WDR49: variants seen among roughly 807,000 people sequenced by gnomAD.
WDR49 encodes the protein WD repeat domain 49.
A neutral mutation model predicts 119.5 loss-of-function variants in WDR49; 107 were observed. The ratio of observed to expected loss-of-function variants is 0.90; its 90% confidence interval spans 0.77 to 1.05. The LOEUF (loss-of-function observed/expected upper bound fraction) is 1.05, where lower values mean the gene tolerates loss of function less well. Among genes scored for constraint, WDR49 ranks in the 50% least tolerant of loss-of-function variants. The pLI, the probability that WDR49 is intolerant of heterozygous loss-of-function variation, is 0.00. For missense variants in WDR49, 1,240 were observed against 1,220.5 expected, an observed-to-expected ratio of 1.02 and a Z score of -0.24; for synonymous variants, 425 against 418.8, an observed-to-expected ratio of 1.01 and a Z score of -0.18.
At chr3:167,574,489 A>G (rs1370286110) in intron 8 of WDR49, among the ~76,000 whole-genome samples, 2 of 152,244 alleles carry the variant, frequency 1.3e-5, no homozygotes, top group Non-Finnish European at 1.5e-5. Flanking sequence ...CTTTACATAC[A>G]TATCAATGCT....
intron 7 of WDR49, among the ~76,000 whole-genome samples, chr3:167,582,460 T>TGA (rs1714587311): frequency 6.6e-6 from 1 of 152,168 alleles, no homozygotes; most frequent in Admixed American, 6.5e-5. Context: ...CTTCTGCCGT[T>TGA]TATCTTTAAA....
intron 5 of WDR49, among the ~76,000 whole-genome samples, chr3:167,619,127 A>G (rs1716741197): frequency 6.6e-6 from 1 of 152,150 alleles, no homozygotes; most frequent in Non-Finnish European, 1.5e-5. Flanking sequence ...AAGGTTATGG[A>G]CTCAAATAAT....
intron 7 of WDR49, among the ~76,000 whole-genome samples, chr3:167,594,959 C>T (rs1431512769): frequency 6.6e-6 from 1 of 150,400 alleles, no homozygotes; most frequent in Non-Finnish European, 1.5e-5. Flanking sequence ...GATTGTATAT[C>T]TAGAAAACCC....
At chr3:167,626,537 T>A (rs2108326801) in intron 3 of WDR49, among the ~76,000 whole-genome samples, 1 of 152,174 alleles carries the variant, frequency 6.6e-6, no homozygotes, top group Non-Finnish European at 1.5e-5. Context: ...ATCCATTGAA[T>A]CTTGCCATGC....
intron 2 of WDR49, among the ~76,000 whole-genome samples, chr3:167,652,257 T>C (rs1316936146): frequency 1.3e-5 from 2 of 152,232 alleles, no homozygotes; most frequent in East Asian, 1.9e-4. Flanking sequence ...AATTTATCAA[T>C]ACAGGTGGAA....
intron 10 of WDR49, among the ~76,000 whole-genome samples, chr3:167,540,209 A>G (rs758987143): frequency 4.6e-5 from 7 of 152,196 alleles, no homozygotes; most frequent in Non-Finnish European, 1.0e-4. Flanking sequence ...CCATGTGACA[A>G]CTTCACTGTT....
intron 11 of WDR49, among the ~76,000 whole-genome samples, 174 bp downstream of exon 11, chr3:167,536,696 T>C (rs1458063233): frequency 1.7e-5 from 2 of 120,620 alleles, no homozygotes; most frequent in Non-Finnish European, 3.3e-5. Flanking sequence ...CATATATATA[T>C]ATATATATAC....
Position 167,532,989 on chromosome 3 carries a change from A to T in WDR49, c.1955-12T>A, listed in dbSNP as rs769732334. The T allele has an allele frequency of 2.0e-5, 31 of 1,533,996 alleles. No individual in the cohort carries two copies. Among genetic ancestry groups the T allele is most frequent in the Admixed American group, 7.6e-5 (4 of 52,720 alleles). ...TCCATCATAACTCCCTACACAAGACAGGATGGAGAATATAAATTGCCAGGA... is the reference window on the plus strand; with the variant it reads ...TCCATCATAACTCCCTACACAAGACTGGATGGAGAATATAAATTGCCAGGA... On this transcript the variant is annotated splice_polypyrimidine_tract_variant and intron_variant, in intron 11 of 18. Transcript: ENST00000682715.
chr3:167,501,320 A>G (rs1036450647), intron 17 of WDR49, among the ~76,000 whole-genome samples: 19 of 152,234 alleles, frequency 1.2e-4, no homozygotes, highest in Non-Finnish European at 2.4e-4. Flanking sequence ...CAGTTCATAT[A>G]ACTGTTAAAT....
intron 5 of WDR49, among the ~76,000 whole-genome samples, chr3:167,616,745 G>A (rs1716613771): frequency 6.6e-6 from 1 of 152,050 alleles, no homozygotes; most frequent in Non-Finnish European, 1.5e-5. Context: ...ATTTTAACCA[G>A]TATAAAGACA....
At chr3:167,509,334 T>C (rs1208116047) in intron 16 of WDR49, among the ~76,000 whole-genome samples, 1 of 152,176 alleles carries the variant, frequency 6.6e-6, no homozygotes, top group Non-Finnish European at 1.5e-5. Flanking sequence ...ATCTGTGAGA[T>C]GTGAGTGTGT....
intron 8 of WDR49, among the ~76,000 whole-genome samples, chr3:167,574,348 G>A (rs1714119251): frequency 6.6e-6 from 1 of 152,160 alleles, no homozygotes; most frequent in Admixed American, 6.6e-5. Context: ...ATGGGAATGT[G>A]AGTGATATTT....
chr3:167,595,663 C>T (rs1715387053), intron 7 of WDR49, among the ~76,000 whole-genome samples: 1 of 152,102 alleles, frequency 6.6e-6, no homozygotes, highest in African/African-American at 2.4e-5. Context: ...ATTGGCTAGC[C>T]ATATGTAGAA....
At position 167,626,842 on chromosome 3, in the gene WDR49, G is replaced by A; in HGVS notation, c.606+10C>T. 8.1e-7 allele frequency: 1 copy of A among 1,236,594 alleles called. No individual in the cohort carries two copies. Among genetic ancestry groups the A allele is most frequent in the Non-Finnish European group, 1.0e-6 (1 of 989,364 alleles). The allele number at this position is 1,236,594 out of a possible 1,614,324, so 76.6% of individuals were successfully genotyped here. A position where few individuals can be genotyped will look rare whatever the true frequency, so the allele number is the denominator to read the frequency against. ...TACAAGCAGTACATTTTTTTATAAA[G>A]AGTCTGTACCTTGTTTACATTTTCC... On this transcript the variant is annotated intron_variant, in intron 3 of 18. Coordinates refer to ENST00000682715, the MANE Select transcript of WDR49 (RefSeq NM_001366157.1).
chr3:167,480,798 A>G (rs1750690521), intron 18 of WDR49, among the ~76,000 whole-genome samples: 1 of 152,246 alleles, frequency 6.6e-6, no homozygotes, highest in South Asian at 2.1e-4. Flanking sequence ...TGGGAAAAAA[A>G]TAGTCACTGT....
intron 16 of WDR49, among the ~76,000 whole-genome samples, chr3:167,512,496 G>A (rs1752017604): frequency 1.3e-5 from 2 of 152,112 alleles, no homozygotes. Flanking sequence ...AACCCACAAA[G>A]ATGAGAAAAA....
In WDR49 at chr3:167,545,439, C is replaced by A. The variant is rs192530754; in HGVS notation, c.1824-8439G>T. 3.9e-3 allele frequency among the ~76,000 whole-genome samples: 575 copies of A among 147,426 alleles called. 4 individuals carry two copies. The highest frequency in any genetic ancestry group is 0.014 in the African/African-American group (544 of 40,084). On this transcript the variant is annotated intron_variant, in intron 10 of 18. Coordinates refer to ENST00000682715, the MANE Select transcript of WDR49 (RefSeq NM_001366157.1). The stretch of plus-strand genomic sequence containing the variant: ...AATTCATAACTGCAAAAATATGGAA[C>A]CAGCCCAAATGCCCGTCAATCAATA...
intron 7 of WDR49, among the ~76,000 whole-genome samples, chr3:167,596,870 T>TAATTAATA (rs1553870714): frequency 1.4e-4 from 20 of 141,346 alleles, no homozygotes; most frequent in African/African-American, 4.5e-4. Context: ...TAAAGTATAA[T>TAATTAATA]AATAAATAAA....
intron 2 of WDR49, among the ~76,000 whole-genome samples, chr3:167,631,649 G>A (rs961881565): frequency 6.6e-6 from 1 of 152,050 alleles, no homozygotes; most frequent in Non-Finnish European, 1.5e-5. Flanking sequence ...CCACCACATC[G>A]AAGCGAGAGT....
Sources: gnomAD v4.1 joint callset for allele counts (sites outside exome capture counted in the v4.1 genomes callset) on GRCh38, gnomAD v4.1.1 for gene constraint, MANE v1.5 for transcripts, NCBI Gene and HGNC (gene_info 2026-07-23, HGNC 2026-07-21) for gene names.